Variants in SIPA1L2 observed in about 807,000 individuals in gnomAD.
SIPA1L2 encodes the protein signal induced proliferation associated 1 like 2.
A neutral mutation model predicts 163.9 loss-of-function variants in SIPA1L2; 56 were observed. That is an observed-to-expected ratio of 0.34 (90% CI 0.28 to 0.43). The LOEUF (loss-of-function observed/expected upper bound fraction) is 0.43, where lower values mean the gene tolerates loss of function less well. Among genes scored for constraint, SIPA1L2 ranks in the 20% least tolerant of loss-of-function variants. SIPA1L2 has a pLI of 1.00. For synonymous variants in SIPA1L2, 877 were observed against 865.7 expected, an observed-to-expected ratio of 1.01 and a Z score of -0.23; for missense variants, 1,974 against 2,193.5, an observed-to-expected ratio of 0.90 and a Z score of 2.00.
At chr1:232,569,126 A>C (rs1309281187) in intron 2 of SIPA1L2, among the ~76,000 whole-genome samples, 1 of 152,246 alleles carries the variant, frequency 6.6e-6, no homozygotes, top group East Asian at 1.9e-4. Flanking sequence ...TTTTAAGACC[A>C]TCTGCCTGAG....
intron 2 of SIPA1L2, among the ~76,000 whole-genome samples, chr1:232,548,709 T>C (rs1658198431): frequency 6.6e-6 from 1 of 151,756 alleles, no homozygotes; most frequent in African/African-American, 2.4e-5. Flanking sequence ...GTCTTGGAGG[T>C]AGTGTAAACC....
intron 18 of SIPA1L2, among the ~76,000 whole-genome samples, chr1:232,420,281 C>A (rs1661494216): frequency 6.6e-6 from 1 of 151,984 alleles, no homozygotes; most frequent in African/African-American, 2.4e-5. Flanking sequence ...CAAGATCACG[C>A]CACTGCACTC....
chr1:232,562,817 G>A (rs541238490), intron 2 of SIPA1L2, among the ~76,000 whole-genome samples: 2 of 152,230 alleles, frequency 1.3e-5, no homozygotes, highest in East Asian at 1.9e-4. Flanking sequence ...AATGCTTCAC[G>A]TGTTCACTTT....
intron 1 of SIPA1L2, among the ~76,000 whole-genome samples, chr1:232,608,161 T>C (rs1401326047): frequency 6.6e-6 from 1 of 150,510 alleles, no homozygotes; most frequent in Non-Finnish European, 1.5e-5. Context: ...CTCTCATGCC[T>C]CAGCCTCCTG....
chr1:232,572,586 A>T (rs963385742), intron 2 of SIPA1L2, among the ~76,000 whole-genome samples: 3 of 151,610 alleles, frequency 2.0e-5, no homozygotes, highest in African/African-American at 7.3e-5. Context: ...CTCACAATTT[A>T]TAAGAAACTC....
chr1:232,562,824 CT>C (rs1398151069), intron 2 of SIPA1L2, among the ~76,000 whole-genome samples: 1 of 152,184 alleles, frequency 6.6e-6, no homozygotes, highest in Non-Finnish European at 1.5e-5. Flanking sequence ...CACGTGTTCA[CT>C]TTTTTCCCCT....
At chr1:232,484,472 AAGGGT>A (rs1256907155) in intron 5 of SIPA1L2, among the ~76,000 whole-genome samples, 2 of 152,230 alleles carry the variant, frequency 1.3e-5, no homozygotes, top group African/African-American at 4.8e-5. Context: ...AAGGTCTGGT[AAGGGT>A]AGGATTCCAA....
chr1:232,442,414 G>A (rs1258769177), intron 12 of SIPA1L2, among the ~76,000 whole-genome samples: 1 of 151,934 alleles, frequency 6.6e-6, no homozygotes, highest in African/African-American at 2.4e-5. Context: ...CAGGCGTGGT[G>A]GCGAGCGCCT....
At chr1:232,427,600 TG>T (rs10717879) in intron 17 of SIPA1L2, among the ~76,000 whole-genome samples, 28,060 of 152,194 alleles carry the variant, frequency 0.18, 2,851 homozygotes, top group African/African-American at 0.23. Flanking sequence ...ACTTGCTAAA[TG>T]GGGTGATTGG....
chr1:232,479,272 G>C (rs1375412324), intron 7 of SIPA1L2, among the ~76,000 whole-genome samples: 1 of 152,096 alleles, frequency 6.6e-6, no homozygotes, highest in Non-Finnish European at 1.5e-5. Context: ...ACTGCAAACA[G>C]TATTCTCTAT....
Position 232,441,760 on chromosome 1 carries a change from C to T in SIPA1L2, c.3538+8G>A. ...AAGGGAGGTCAATTTCCAGGAGTTCCTTATTACCCGGGTGCCTGCTTGCTT... is the reference window on the plus strand; with the variant it reads ...AAGGGAGGTCAATTTCCAGGAGTTCTTTATTACCCGGGTGCCTGCTTGCTT... On this transcript the variant is annotated splice_region_variant and intron_variant, in intron 13 of 22. Transcript: ENST00000674635. 6.2e-7 allele frequency: 1 copy of T among 1,612,938 alleles called. No homozygotes were observed. The highest frequency in any genetic ancestry group is 1.1e-5 in the South Asian group (1 of 90,846).
chr1:232,528,672 A>G (rs1049616081), intron 2 of SIPA1L2, among the ~76,000 whole-genome samples: 1 of 152,198 alleles, frequency 6.6e-6, no homozygotes, highest in Non-Finnish European at 1.5e-5. Flanking sequence ...AGACCCATGC[A>G]CAGACCTGGC....
At chr1:232,461,554 T>A (rs1451815155) in intron 9 of SIPA1L2, among the ~76,000 whole-genome samples, 1 of 152,222 alleles carries the variant, frequency 6.6e-6, no homozygotes, top group East Asian at 1.9e-4. Flanking sequence ...TTTAAGCATA[T>A]AAATCCCATC....
At chr1:232,569,748 G>A (rs1659612958) in intron 2 of SIPA1L2, among the ~76,000 whole-genome samples, 1 of 152,196 alleles carries the variant, frequency 6.6e-6, no homozygotes, top group Admixed American at 6.5e-5. Context: ...AGGAGGCGGA[G>A]GCTGCAGCGA....
chr1:232,497,041 T>G (rs913845532), intron 3 of SIPA1L2, among the ~76,000 whole-genome samples: 11 of 152,126 alleles, frequency 7.2e-5, no homozygotes, highest in Admixed American at 6.5e-4. Flanking sequence ...AGCCCCAGAT[T>G]AAGAAAATCA....
chr1:232,503,377 C>G (rs1442328626), intron 3 of SIPA1L2, among the ~76,000 whole-genome samples: 1 of 152,200 alleles, frequency 6.6e-6, no homozygotes, highest in Non-Finnish European at 1.5e-5. Context: ...ACATTGGACC[C>G]TAGCCCAAAA....
intron 7 of SIPA1L2, among the ~76,000 whole-genome samples, chr1:232,473,395 G>A (rs184442403): frequency 1.3e-5 from 2 of 152,356 alleles, no homozygotes; most frequent in African/African-American, 4.8e-5. Flanking sequence ...CAGGCAGTGA[G>A]TTCAGCGCCT....
intron 22 of SIPA1L2, among the ~76,000 whole-genome samples, chr1:232,399,548 T>C (rs973910802): frequency 6.6e-6 from 1 of 151,974 alleles, no homozygotes; most frequent in Non-Finnish European, 1.5e-5. Flanking sequence ...TTCATCATAG[T>C]TTATATTACC....
chr1:232,456,133 T>C (rs1317313584), intron 10 of SIPA1L2, among the ~76,000 whole-genome samples: 1 of 152,074 alleles, frequency 6.6e-6, no homozygotes, highest in Non-Finnish European at 1.5e-5. Flanking sequence ...TGCTTTGTAA[T>C]GAATAATAAA....
Sources: gnomAD v4.1 joint callset for allele counts (sites outside exome capture counted in the v4.1 genomes callset) on GRCh38, gnomAD v4.1.1 for gene constraint, MANE v1.5 for transcripts, NCBI Gene and HGNC (gene_info 2026-07-23, HGNC 2026-07-21) for gene names.